AFF4: variants seen among roughly 807,000 people sequenced by gnomAD.
The protein encoded by AFF4 is AF4/FMR2 family member 4.
Under a neutral mutation model 124.8 loss-of-function variants are expected in AFF4, and 13 were observed. The ratio of observed to expected loss-of-function variants is 0.10; its 90% CI spans 0.07 to 0.17. The LOEUF is 0.17. Ranked by LOEUF, AFF4 falls within the 10% of genes least tolerant of loss-of-function variation. The pLI is 1.00. For missense variants in AFF4, 1,092 were observed against 1,403.8 expected (o/e 0.78, Z 3.55); for synonymous variants, 477 against 496.1 (o/e 0.96, Z 0.51).
chr5:132,918,161 G>C (rs549794566), intron 5 of AFF4, among the ~76,000 whole-genome samples: 1 of 151,924 alleles, frequency 6.6e-6, no homozygotes, highest in African/African-American at 2.4e-5. Flanking sequence ...GGGAGGCCAA[G>C]GTGGGCAGAC....
intron 8 of AFF4, among the ~76,000 whole-genome samples, 159 bp downstream of exon 8, chr5:132,899,428 G>T (rs1760492375): frequency 6.6e-6 from 1 of 152,004 alleles, no homozygotes; most frequent in African/African-American, 2.4e-5. Flanking sequence ...AGAAAAAAAT[G>T]GAGATTTAAA....
intron 2 of AFF4, among the ~76,000 whole-genome samples, chr5:132,935,797 C>T (rs575395540): frequency 2.0e-5 from 3 of 150,888 alleles, no homozygotes; most frequent in African/African-American, 4.9e-5. Flanking sequence ...GTGGTGCACG[C>T]CTGTAATCCC....
chr5:132,898,898 CTAT>C (rs1760478767), intron 9 of AFF4, among the ~76,000 whole-genome samples: 2 of 152,310 alleles, frequency 1.3e-5, no homozygotes, highest in South Asian at 4.1e-4. Context: ...TGCTACTTAG[CTAT>C]TAATACTCAC....
chr5:132,916,192 T>C (rs1464538415), intron 5 of AFF4, among the ~76,000 whole-genome samples: 1 of 126,824 alleles, frequency 7.9e-6, no homozygotes. Context: ...TGAGCTGATA[T>C]CATGCCACTG....
chr5:132,892,047 A>ATCT, intron 13 of AFF4, 117 bp downstream of exon 13: 1 of 1,446,264 alleles, frequency 6.9e-7, no homozygotes, highest in East Asian at 2.3e-5. Context: ...AGGGTAAAAG[A>ATCT]CATAGGCCTA....
chr5:132,908,252 A>G (rs1345521317), intron 5 of AFF4, among the ~76,000 whole-genome samples: 3 of 152,202 alleles, frequency 2.0e-5, no homozygotes, highest in Non-Finnish European at 4.4e-5. Context: ...CAAAAATTAA[A>G]TACCATTTTT....
At position 132,896,475 on chromosome 5, in the gene AFF4, C is replaced by T; in HGVS notation, c.2155G>A (p.Asp719Asn). ...DDRYPLIVKI[D>N]LNLLTRIPGK... ...GGTATTCTAGTCAAAAGATTCAGGTCAATCTTCACAATAAGTGGGTACCTG... is the reference window on the plus strand; with the variant it reads ...GGTATTCTAGTCAAAAGATTCAGGTTAATCTTCACAATAAGTGGGTACCTG... Residue 719 changes from aspartate (D) to asparagine (N), a missense_variant, in exon 11 of 21, where the codon GAC becomes AAC. By Grantham distance (23) the Asp-to-Asn change is conservative. This residue lies in a region of AFF4 where 293 missense variants were observed against 280.2 expected (regional missense o/e 1.05). Coordinates refer to ENST00000265343, the MANE Select transcript of AFF4 (RefSeq NM_014423.4). 6.2e-7 allele frequency: 1 copy of T among 1,614,164 alleles called. No individual in the cohort carries two copies. The highest frequency in any genetic ancestry group is 8.5e-7 in the Non-Finnish European group (1 of 1,180,038).
Position 132,957,642 on chromosome 5 carries a change from G to T in AFF4, c.-5+5617C>A, listed in dbSNP as rs143630863. Among the ~76,000 whole-genome samples the T allele has an allele frequency of 8.5e-5, 13 of 152,184 alleles. No homozygotes were observed. In the East Asian group the frequency reaches 2.5e-3, roughly 29 times the overall value. ...CCAGCTACTCAGGAGGCTGGGGCAG[G>T]ACTGCTTGAAATCCAGGAAGCGGAG... On this transcript the variant is annotated intron_variant, in intron 1 of 20. Coordinates refer to ENST00000265343, the MANE Select transcript of AFF4 (RefSeq NM_014423.4).
chr5:132,894,862 G>C (rs913133852), intron 11 of AFF4, among the ~76,000 whole-genome samples: 1 of 152,150 alleles, frequency 6.6e-6, no homozygotes, highest in African/African-American at 2.4e-5. Context: ...GCTGAGGAGG[G>C]AGGATCACTT....
chr5:132,910,793 G>C (rs1760777327), intron 5 of AFF4, among the ~76,000 whole-genome samples: 1 of 152,208 alleles, frequency 6.6e-6, no homozygotes, highest in Admixed American at 6.6e-5. Context: ...CATTGGCACA[G>C]CGTTTTCCTA....
At chr5:132,891,377 A>G (rs1489315785) in intron 13 of AFF4, among the ~76,000 whole-genome samples, 2 of 152,226 alleles carry the variant, frequency 1.3e-5, no homozygotes, top group East Asian at 1.9e-4. Context: ...TGCTTACTAA[A>G]TAATAGGTAT....
chr5:132,908,076 C>T (rs1581290896), intron 5 of AFF4, among the ~76,000 whole-genome samples: 1 of 149,408 alleles, frequency 6.7e-6, no homozygotes, highest in South Asian at 2.1e-4. Flanking sequence ...GGAGTAGTAC[C>T]AGTAGGAGAT....
chr5:132,904,316 A>C, intron 6 of AFF4, 52 bp downstream of exon 6: 7 of 1,493,530 alleles, frequency 4.7e-6, no homozygotes, highest in Non-Finnish European at 5.6e-6. Context: ...ATGAAAACTG[A>C]ATGTTCAATA....
chr5:132,946,244 T>C (rs920519992), intron 1 of AFF4, among the ~76,000 whole-genome samples: 2 of 152,234 alleles, frequency 1.3e-5, no homozygotes, highest in Non-Finnish European at 2.9e-5. Context: ...GCAGCTGCTA[T>C]GGATTGGCAG....
chr5:132,891,948 T>G, intron 13 of AFF4: 1 of 690,886 alleles, frequency 1.4e-6, no homozygotes, highest in Non-Finnish European at 2.4e-6. Context: ...TACCCAAGGG[T>G]TTTTCTTTCA....
chr5:132,899,703 T>A, intron 7 of AFF4, 62 bp from the exon 8 acceptor site: 1 of 1,406,740 alleles, frequency 7.1e-7, no homozygotes, highest in African/African-American at 1.4e-5. Context: ...GCCAGAGTAC[T>A]AAATATCTAC....
intron 13 of AFF4, among the ~76,000 whole-genome samples, chr5:132,890,180 T>C (rs1448624733): frequency 6.6e-6 from 1 of 151,144 alleles, no homozygotes; most frequent in African/African-American, 2.4e-5. Context: ...TATAAAAATA[T>C]AAAATTTTTA....
intron 5 of AFF4, among the ~76,000 whole-genome samples, chr5:132,925,357 TAA>T (rs1222702437): frequency 6.6e-6 from 1 of 151,366 alleles, no homozygotes; most frequent in Non-Finnish European, 1.5e-5. Flanking sequence ...AAAATAAAAA[TAA>T]GAGGGTATGT....
At chr5:132,926,869 T>G in intron 5 of AFF4, 1 of 357,816 alleles carries the variant, frequency 2.8e-6, no homozygotes, top group Non-Finnish European at 5.1e-6. Context: ...TGTATTAATG[T>G]CTTTTAAATC....
Sources: gnomAD v4.1 joint callset for allele counts (sites outside exome capture counted in the v4.1 genomes callset) on GRCh38, gnomAD v4.1.1 for gene constraint, gnomAD v4.1.1 regional missense constraint, MANE v1.5 for transcripts, NCBI Gene and HGNC (gene_info 2026-07-23, HGNC 2026-07-21) for gene names.